The following PKHD1 variants were observed in gnomAD, a reference collection of about 807,000 sequenced individuals.
PKHD1 encodes the protein PKHD1 ciliary IPT domain containing fibrocystin/polyductin.
In PKHD1, 291 loss-of-function variants were observed where a neutral mutation model predicts 412.0. The ratio of observed to expected loss-of-function variants is 0.71; its 90% confidence interval spans 0.64 to 0.78. PKHD1 has a LOEUF of 0.78. Among genes scored for constraint, PKHD1 ranks in the 30% least tolerant of loss-of-function variants. PKHD1 has a pLI of 0.00. For synonymous variants in PKHD1, 1,777 were observed against 1,821.5 expected (o/e 0.98, Z 0.62); for missense variants, 4,825 against 4,950.7 (o/e 0.97, Z 0.76).
At chr6:51,681,243 C>T (rs528139336) in intron 60 of PKHD1, among the ~76,000 whole-genome samples, 1 of 151,980 alleles carries the variant, frequency 6.6e-6, no homozygotes, top group Non-Finnish European at 1.5e-5. Flanking sequence ...TTCCCAAGAT[C>T]AGCTTCTAGG....
chr6:52,081,957 T>C (rs1222667061), intron 4 of PKHD1, among the ~76,000 whole-genome samples: 1 of 152,180 alleles, frequency 6.6e-6, no homozygotes, highest in Non-Finnish European at 1.5e-5. Context: ...CTTATAAAAA[T>C]ATTTTCTAAA....
chr6:51,807,813 G>A (rs1764081843), intron 52 of PKHD1, among the ~76,000 whole-genome samples: 1 of 152,130 alleles, frequency 6.6e-6, no homozygotes, highest in East Asian at 1.9e-4. Context: ...ACATCATGCA[G>A]GGTGAGAAAC....
chr6:51,767,931 C>T (rs1466311642), intron 55 of PKHD1, among the ~76,000 whole-genome samples: 3 of 152,104 alleles, frequency 2.0e-5, no homozygotes, highest in Non-Finnish European at 2.9e-5. Context: ...ACAGTCCCAC[C>T]AACAGTGTAA....
In PKHD1 at chr6:51,836,465, T is replaced by C. The variant is rs749153516; in HGVS notation, c.8112A>G (p.Ser2704=). 1 of 1,610,486 alleles carries C rather than the reference T, an allele frequency of 6.2e-7. No homozygotes were observed. Among genetic ancestry groups the C allele is most frequent in the Non-Finnish European group, 8.5e-7 (1 of 1,176,738 alleles). The part of the protein sequence containing the change: ...SQLRQLTYLV[S]GEGQVQVILR... ...GAATGACTTGAACTTGGCCTTCACC[T>C]GAAACTAAATACCAAAAGCCACAAC... The change falls in exon 51 of 67, where the codon TCA becomes TCG. Residue 2704 remains serine (S), a synonymous_variant. Coordinates refer to ENST00000371117, the MANE Select transcript of PKHD1 (RefSeq NM_138694.4).
At chr6:51,864,896 T>C (rs1774799625) in intron 48 of PKHD1, among the ~76,000 whole-genome samples, 1 of 152,058 alleles carries the variant, frequency 6.6e-6, no homozygotes, top group Admixed American at 6.6e-5. Flanking sequence ...ATCCTACTGA[T>C]AATATTGTAC....
At chr6:52,016,753 G>GACACTGC (rs1420501055) in intron 34 of PKHD1, among the ~76,000 whole-genome samples, 2 of 152,072 alleles carry the variant, frequency 1.3e-5, no homozygotes, top group African/African-American at 4.8e-5. Flanking sequence ...TCAGTCATGA[G>GACACTGC]ACACTGCCCT....
chr6:51,955,710 T>C (rs1166124788), intron 36 of PKHD1, among the ~76,000 whole-genome samples: 1 of 152,080 alleles, frequency 6.6e-6, no homozygotes, highest in Non-Finnish European at 1.5e-5. Context: ...CCTTTCAAAA[T>C]ATATATACTT....
intron 60 of PKHD1, among the ~76,000 whole-genome samples, chr6:51,710,375 CAT>C (rs1173562725): frequency 1.3e-5 from 2 of 151,950 alleles, no homozygotes; most frequent in African/African-American, 2.4e-5. Flanking sequence ...CCTGGTTGAA[CAT>C]TTTTCCATAA....
intron 53 of PKHD1, among the ~76,000 whole-genome samples, chr6:51,786,248 C>T (rs560323721): frequency 6.6e-6 from 1 of 152,100 alleles, no homozygotes; most frequent in Admixed American, 6.6e-5. Flanking sequence ...TGCCTCAGAT[C>T]AAAATTCTCA....
intron 60 of PKHD1, among the ~76,000 whole-genome samples, chr6:51,663,054 T>C (rs911976886): frequency 4.6e-5 from 7 of 152,056 alleles, no homozygotes; most frequent in Non-Finnish European, 1.0e-4. Flanking sequence ...GGATCCAGTA[T>C]GAAGGCAAAT....
At chr6:51,906,373 A>G in intron 40 of PKHD1, 33 bp from the exon 41 acceptor site, 1 of 1,586,372 alleles carries the variant, frequency 6.3e-7, no homozygotes. Flanking sequence ...AAAATTAGAT[A>G]TGGCTCCTGA....
intron 36 of PKHD1, among the ~76,000 whole-genome samples, chr6:51,948,672 G>A (rs1358770983): frequency 1.3e-5 from 2 of 152,208 alleles, no homozygotes; most frequent in African/African-American, 4.8e-5. Flanking sequence ...ATAACGAGGA[G>A]TTGAAATTAT....
rs750640413 is a variant in PKHD1 at position 51,618,684 on chromosome 6, C to T, written c.*397G>A. The T allele has an allele frequency of 3.1e-6, 1 of 319,958 alleles. No individual in the cohort carries two copies. Among genetic ancestry groups the T allele is most frequent in the Non-Finnish European group, 6.0e-6 (1 of 166,784 alleles). 19.8% of individuals were successfully genotyped at this position (319,958 alleles called of 1,614,324 possible). The stretch of plus-strand genomic sequence containing the variant: ...TGGAATTAAACTGTAGCTGACCAGA[C>T]CTTTTCATGATCCCTTCTATAAAAG... On this transcript the variant is annotated 3_prime_UTR_variant, in exon 67 of 67. Coordinates refer to ENST00000371117, the MANE Select transcript of PKHD1 (RefSeq NM_138694.4).
chr6:51,911,648 G>A (rs1782950908), intron 39 of PKHD1, 151 bp downstream of exon 39: 6 of 690,086 alleles, frequency 8.7e-6, no homozygotes, highest in Non-Finnish European at 1.5e-5. Flanking sequence ...ACAATCAAGA[G>A]CATTCTGAAA....
At chr6:51,935,176 A>G (rs568509502) in intron 36 of PKHD1, among the ~76,000 whole-genome samples, 2 of 152,330 alleles carry the variant, frequency 1.3e-5, no homozygotes, top group African/African-American at 4.8e-5. Context: ...TTAAAAGAAA[A>G]GTTGGGTTCT....
intron 51 of PKHD1, among the ~76,000 whole-genome samples, chr6:51,833,063 G>C (rs915088303): frequency 6.6e-6 from 1 of 152,134 alleles, no homozygotes; most frequent in Non-Finnish European, 1.5e-5. Context: ...TCAGCTGGGG[G>C]TAGAGTAAGG....
intron 60 of PKHD1, among the ~76,000 whole-genome samples, chr6:51,675,065 C>T (rs1176760380): frequency 6.6e-6 from 1 of 152,094 alleles, no homozygotes; most frequent in Non-Finnish European, 1.5e-5. Context: ...TCCTAGGTCA[C>T]CTTTAATCAA....
chr6:51,719,435 C>T (rs1448610557), intron 60 of PKHD1, among the ~76,000 whole-genome samples: 6 of 152,148 alleles, frequency 3.9e-5, no homozygotes, highest in African/African-American at 9.7e-5. Context: ...AGGTGCTATA[C>T]TGTGCATTGT....
rs766217970 is a variant in PKHD1 at position 51,672,286 on chromosome 6, C to T, written c.10157-12317G>A. On this transcript the variant is annotated intron_variant, in intron 60 of 66. Coordinates refer to ENST00000371117, the MANE Select transcript of PKHD1 (RefSeq NM_138694.4). ...GCCCAAATCAAATGCATGTCCAACT[C>T]AGTTTCCCCTTAGCTAGATTTCAAA... Among the ~76,000 whole-genome samples the T allele has an allele frequency of 1.6e-4, 24 of 152,194 alleles. 1 individual carries two copies. Among genetic ancestry groups the T allele is most frequent in the Non-Finnish European group, 2.9e-5 (2 of 68,034 alleles).
Sources: gnomAD v4.1 joint callset for allele counts (sites outside exome capture counted in the v4.1 genomes callset) on GRCh38, gnomAD v4.1.1 for gene constraint, MANE v1.5 for transcripts, NCBI Gene and HGNC (gene_info 2026-07-23, HGNC 2026-07-21) for gene names.